Variants in CDH23 observed in about 807,000 individuals in gnomAD.
The protein encoded by CDH23 is cadherin related 23, also known as cadherin-23.
CDH23 carries 189 observed loss-of-function variants against 317.1 expected under a neutral mutation model. The observed-to-expected ratio is 0.60, with a 90% CI of 0.53 to 0.67. The LOEUF (loss-of-function observed/expected upper bound fraction) is 0.67. Among genes scored for constraint, CDH23 ranks in the 30% least tolerant of loss-of-function variants. CDH23 has a pLI of 0.00. For synonymous variants in CDH23, 1,839 were observed against 1,876.8 expected (o/e 0.98, Z 0.52); for missense variants, 4,401 against 4,592.4 (o/e 0.96, Z 1.20).
Position 71,403,326 on chromosome 10 carries a change from CCTTTCTTTCTTTCTTTCTTTCTTTCTTT to C in CDH23, c.-6+6063_-6+6090del, listed in dbSNP as rs201389920. On this transcript the variant is annotated intron_variant, in intron 1 of 69. Transcript: ENST00000224721. Reference sequence around the variant, plus strand: ...TTCTCTTTCTCTTTCTTCCTTCCTTCCTTTCTTTCTTTCTTTCTTTCTTTCTTTCTTTCTTTCTTTCTTTCTTTCTTTC... The same window carrying C: ...TTCTCTTTCTCTTTCTTCCTTCCTTCCTTTCTTTCTTTCTTTCTTTCTTTC... 1.3e-3 allele frequency among the ~76,000 whole-genome samples: 79 copies of C among 60,748 alleles called. 1 individual carries two copies. The highest frequency in any genetic ancestry group is 2.7e-3 in the South Asian group (5 of 1,830). The allele number at this position is 60,748 out of a possible 152,430, so 39.9% of individuals were successfully genotyped here.
At position 71,403,314 on chromosome 10, in the gene CDH23, TCTTC is replaced by T. The variant is rs201087939; in HGVS notation, c.-6+6008_-6+6011del. ...CATTTGCTTGCTTTCTCTTTCTCTTTCTTCCTTCCTTCCTTTCTTTCTTTCTTTC... is the reference window on the plus strand; with the variant it reads ...CATTTGCTTGCTTTCTCTTTCTCTTTCTTCCTTCCTTTCTTTCTTTCTTTC... On this transcript the variant is annotated intron_variant, in intron 1 of 69. Transcript: ENST00000224721. Among the ~76,000 whole-genome samples the T allele has an allele frequency of 6.3e-3, 648 of 102,750 alleles. 20 individuals carry two copies. The highest frequency in any genetic ancestry group is 7.9e-3 in the Non-Finnish European group (442 of 56,026). 67.4% of individuals were successfully genotyped at this position (102,750 alleles called of 152,430 possible).
At chr10:71,544,335 T>A (rs1011471867) in intron 6 of CDH23, among the ~76,000 whole-genome samples, 1 of 152,118 alleles carries the variant, frequency 6.6e-6, no homozygotes, top group Non-Finnish European at 1.5e-5. Flanking sequence ...AGGGGAAGTT[T>A]CCAGAGGTGG....
At chr10:71,429,115 C>T (rs942140186) in intron 1 of CDH23, among the ~76,000 whole-genome samples, 1 of 152,158 alleles carries the variant, frequency 6.6e-6, no homozygotes, top group Non-Finnish European at 1.5e-5. Flanking sequence ...CCATTTCTTG[C>T]CTGTGTTTTT....
chr10:71,566,729 C>A lies in CDH23; in HGVS notation c.430-13C>A. On this transcript the variant is annotated splice_polypyrimidine_tract_variant and intron_variant, in intron 6 of 69. Transcript: ENST00000224721. ...CTGGCTCACCCTTGTACTTGCTTTG[C>A]TCTCATCCCCAGAATACACCAGTGG... 1 of 1,578,276 alleles carries A rather than the reference C, an allele frequency of 6.3e-7. No homozygotes were observed. The highest frequency in any genetic ancestry group is 8.6e-7 in the Non-Finnish European group (1 of 1,157,370).
chr10:71,432,452 T>A (rs973504798), intron 1 of CDH23, among the ~76,000 whole-genome samples: 5 of 151,238 alleles, frequency 3.3e-5, no homozygotes, highest in Non-Finnish European at 7.4e-5. Flanking sequence ...AGCGTGTGTG[T>A]GAGAGCATGT....
chr10:71,784,447 C>T (rs1406398294), intron 42 of CDH23, 27 bp downstream of exon 42: 1 of 1,604,870 alleles, frequency 6.2e-7, no homozygotes, highest in Non-Finnish European at 8.5e-7. Context: ...CACCCGCTGG[C>T]TTCACCTCGC....
chr10:71,532,711 G>GTTTTTTTTTTTT (rs531593760), intron 6 of CDH23, among the ~76,000 whole-genome samples: 3 of 128,098 alleles, frequency 2.3e-5, no homozygotes, highest in African/African-American at 2.9e-5. Context: ...TTTTGTTTTT[G>GTTTTTTTTTTTT]TTTTTTTTTT....
intron 38 of CDH23, chr10:71,762,159 G>A (rs1840409758): frequency 1.9e-6 from 2 of 1,051,542 alleles, no homozygotes; most frequent in Admixed American, 5.8e-5. Context: ...ACCTCCCTAA[G>A]ACTGCCTTCT....
intron 8 of CDH23, among the ~76,000 whole-genome samples, chr10:71,575,485 G>A (rs77505733): frequency 1.8e-4 from 27 of 152,328 alleles, no homozygotes; most frequent in African/African-American, 6.5e-4. Context: ...TCTGGCAGCA[G>A]AGTCAAACCC....
chr10:71,642,982 G>A (rs150333595), intron 11 of CDH23, among the ~76,000 whole-genome samples: 8 of 152,344 alleles, frequency 5.3e-5, no homozygotes, highest in African/African-American at 1.9e-4. Context: ...ACCCAGTGAT[G>A]CAAGTGCTCT....
chr10:71,654,377 G>C (rs1440692310), intron 14 of CDH23, among the ~76,000 whole-genome samples: 1 of 152,166 alleles, frequency 6.6e-6, no homozygotes, highest in Non-Finnish European at 1.5e-5. Context: ...GGTTTTCATC[G>C]ATCCCTACAT....
At chr10:71,764,002 G>T (rs1053090250) in intron 38 of CDH23, among the ~76,000 whole-genome samples, 1 of 152,206 alleles carries the variant, frequency 6.6e-6, no homozygotes, top group African/African-American at 2.4e-5. Flanking sequence ...AAGTCTGGGA[G>T]CCCCAGATTT....
chr10:71,711,569 T>C (rs889003773), intron 27 of CDH23: 3 of 151,822 alleles, frequency 2.0e-5, no homozygotes, highest in African/African-American at 7.3e-5. Context: ...CCTGGGAGGG[T>C]CCTGTGGGAA....
intron 7 of CDH23, among the ~76,000 whole-genome samples, chr10:71,570,461 A>G (rs1345758668): frequency 3.3e-5 from 5 of 152,198 alleles, no homozygotes; most frequent in African/African-American, 9.7e-5. Context: ...TGTCCAAGGA[A>G]GTCAGGCCTG....
At chr10:71,529,459 G>T (rs1348428926) in intron 6 of CDH23, among the ~76,000 whole-genome samples, 1 of 152,206 alleles carries the variant, frequency 6.6e-6, no homozygotes, top group South Asian at 2.1e-4. Context: ...CTGGAGCGGG[G>T]TGGCCTTGTC....
chr10:71,694,268 G>T lies in CDH23; in HGVS notation c.2289+9G>T. The T allele has an allele frequency of 6.2e-7, 1 of 1,602,154 alleles. No individual in the cohort carries two copies. On this transcript the variant is annotated intron_variant, in intron 21 of 69. Coordinates refer to ENST00000224721, the MANE Select transcript of CDH23 (RefSeq NM_022124.6). Reference sequence around the variant, plus strand: ...AAACTGGCATCGCCACCGTGAGTGCGCTCCCCTCCCGTGCCCCAGCTCCCC... The same window carrying T: ...AAACTGGCATCGCCACCGTGAGTGCTCTCCCCTCCCGTGCCCCAGCTCCCC...
chr10:71,721,571 T>C (rs1008141601), intron 28 of CDH23, among the ~76,000 whole-genome samples: 1 of 152,216 alleles, frequency 6.6e-6, no homozygotes, highest in African/African-American at 2.4e-5. Flanking sequence ...CCTAAATTCA[T>C]GCTTGGGTGT....
chr10:71,570,720 G>T, intron 7 of CDH23, 70 bp from the exon 8 acceptor site: 13 of 1,531,172 alleles, frequency 8.5e-6, no homozygotes, highest in South Asian at 8.4e-5. Flanking sequence ...CTGTGTGTGT[G>T]TGTACATATG....
At chr10:71,559,629 G>A (rs1002713001) in intron 6 of CDH23, among the ~76,000 whole-genome samples, 4 of 152,202 alleles carry the variant, frequency 2.6e-5, no homozygotes, top group African/African-American at 9.6e-5. Context: ...AGATGGGAGG[G>A]TGCTGAGTTG....
Sources: gnomAD v4.1 joint callset for allele counts (sites outside exome capture counted in the v4.1 genomes callset) on GRCh38, gnomAD v4.1.1 for gene constraint, MANE v1.5 for transcripts, NCBI Gene and HGNC (gene_info 2026-07-23, HGNC 2026-07-21) for gene names.